Variants in PDE4D observed in about 807,000 individuals in gnomAD.
PDE4D encodes phosphodiesterase 4D.
In PDE4D, 24 loss-of-function variants were observed where a neutral mutation model predicts 87.4. The ratio of observed to expected loss-of-function variants is 0.27; its 90% CI spans 0.20 to 0.39. The LOEUF is 0.39. PDE4D is among the 10% of genes least tolerant of loss of function. The pLI is 1.00. For synonymous variants in PDE4D, 384 were observed against 383.2 expected (o/e 1.00, Z -0.02); for missense variants, 714 against 1,041.0 (o/e 0.69, Z 4.32).
At chr5:60,494,648 A>T (rs1326941621) in intron 1 of PDE4D, among the ~76,000 whole-genome samples, 1 of 152,108 alleles carries the variant, frequency 6.6e-6, no homozygotes, top group Non-Finnish European at 1.5e-5. Context: ...CCATCAACTA[A>T]ATCTTTTTGT....
intron 1 of PDE4D, among the ~76,000 whole-genome samples, chr5:59,870,089 G>T (rs1747605783): frequency 6.6e-6 from 1 of 152,168 alleles, no homozygotes; most frequent in Non-Finnish European, 1.5e-5. Context: ...TTTCCATAAA[G>T]TCTCATGTGG....
chr5:59,029,269 A>G (rs1423320877), intron 6 of PDE4D, among the ~76,000 whole-genome samples: 2 of 150,816 alleles, frequency 1.3e-5, no homozygotes, highest in Non-Finnish European at 3.0e-5. Context: ...AAAAAAAAAA[A>G]AGGCAGGTGT....
intron 1 of PDE4D, among the ~76,000 whole-genome samples, chr5:60,271,235 T>C (rs552102852): frequency 8.5e-5 from 13 of 152,306 alleles, no homozygotes; most frequent in Admixed American, 5.2e-4. Context: ...ATCATAAGGA[T>C]TTAATTACAT....
At chr5:59,469,529 T>C (rs569276944) in intron 1 of PDE4D, among the ~76,000 whole-genome samples, 3 of 152,286 alleles carry the variant, frequency 2.0e-5, no homozygotes, top group South Asian at 2.1e-4. Context: ...GAAAGCCCTC[T>C]ACACAAGGAA....
intron 1 of PDE4D, among the ~76,000 whole-genome samples, chr5:59,575,324 A>G (rs1822960260): frequency 6.6e-6 from 1 of 152,234 alleles, no homozygotes; most frequent in South Asian, 2.1e-4. Context: ...AGAAAGGGGC[A>G]TAATCAAGCA....
At chr5:59,243,139 G>A (rs1323911131) in intron 1 of PDE4D, among the ~76,000 whole-genome samples, 2 of 152,074 alleles carry the variant, frequency 1.3e-5, no homozygotes, top group Non-Finnish European at 2.9e-5. Flanking sequence ...CTATAGAGTC[G>A]TATAAGAGAG....
chr5:59,668,845 G>GGAAGAGGAAGAAGAAGAA (rs1561441240), intron 1 of PDE4D, among the ~76,000 whole-genome samples: 1 of 62,184 alleles, frequency 1.6e-5, no homozygotes, highest in Admixed American at 1.7e-4. Context: ...AAGAGGAAGA[G>GGAAGAGGAAGAAGAAGAA]GAAGAAGAAG....
chr5:58,985,858 A>G (rs1746304296), intron 11 of PDE4D, among the ~76,000 whole-genome samples: 1 of 152,252 alleles, frequency 6.6e-6, no homozygotes, highest in Non-Finnish European at 1.5e-5. Flanking sequence ...AAGTTATTAG[A>G]AGGATTCCTT....
intron 2 of PDE4D, among the ~76,000 whole-genome samples, chr5:60,086,714 A>C (rs1407125610): frequency 1.3e-5 from 2 of 152,256 alleles, no homozygotes; most frequent in African/African-American, 4.8e-5. Context: ...AGAAATGTTC[A>C]ATCTCCCCAT....
intron 5 of PDE4D, among the ~76,000 whole-genome samples, chr5:59,134,634 T>C (rs923151600): frequency 1.3e-5 from 2 of 152,186 alleles, no homozygotes; most frequent in African/African-American, 4.8e-5. Flanking sequence ...AATTTTCACA[T>C]TAAACATGGA....
At chr5:59,668,447 T>C (rs751772141) in intron 1 of PDE4D, among the ~76,000 whole-genome samples, 1 of 152,188 alleles carries the variant, frequency 6.6e-6, no homozygotes, top group Admixed American at 6.5e-5. Context: ...TGGTGGCTCA[T>C]GCCTGTAACT....
At chr5:59,563,394 G>A (rs761964763) in intron 1 of PDE4D, among the ~76,000 whole-genome samples, 8 of 152,190 alleles carry the variant, frequency 5.3e-5, no homozygotes, top group Admixed American at 2.0e-4. Flanking sequence ...AAATAAGAAT[G>A]CAATTATCTG....
chr5:59,632,465 G>A (rs1274752930), intron 1 of PDE4D, among the ~76,000 whole-genome samples: 2 of 152,194 alleles, frequency 1.3e-5, no homozygotes, highest in Non-Finnish European at 2.9e-5. Flanking sequence ...CTCCCAGCAG[G>A]GGTTGACAGA....
chr5:60,301,858 G>A (rs918474574), intron 1 of PDE4D, among the ~76,000 whole-genome samples: 1 of 152,082 alleles, frequency 6.6e-6, no homozygotes, highest in Non-Finnish European at 1.5e-5. Flanking sequence ...TCAATATCTA[G>A]TTTATTGAGA....
chr5:59,044,401 GCTTCT>G (rs1467927154), intron 5 of PDE4D, among the ~76,000 whole-genome samples: 11 of 152,198 alleles, frequency 7.2e-5, no homozygotes, highest in Non-Finnish European at 1.5e-4. Context: ...ACCAGTTCCA[GCTTCT>G]CTTCTCTTAA....
intron 1 of PDE4D, among the ~76,000 whole-genome samples, chr5:59,338,351 C>T (rs73092940): frequency 0.018 from 2,698 of 152,186 alleles, 82 homozygotes; most frequent in African/African-American, 0.06. Context: ...GTTTCATTAG[C>T]GCAAAAGTTC....
At chr5:59,307,500 A>G (rs1257214535) in intron 1 of PDE4D, among the ~76,000 whole-genome samples, 2 of 152,204 alleles carry the variant, frequency 1.3e-5, no homozygotes, top group Non-Finnish European at 2.9e-5. Context: ...CAATGAACTC[A>G]AACAAATTCA....
At chr5:60,339,333 G>A (rs767189550) in intron 1 of PDE4D, among the ~76,000 whole-genome samples, 1 of 152,064 alleles carries the variant, frequency 6.6e-6, no homozygotes, top group African/African-American at 2.4e-5. Flanking sequence ...TCCATACCTC[G>A]AAGGTGGATC....
chr5:59,094,859 G>A (rs1769403644), intron 5 of PDE4D, among the ~76,000 whole-genome samples: 1 of 152,070 alleles, frequency 6.6e-6, no homozygotes, highest in African/African-American at 2.4e-5. Context: ...ACTAAATATA[G>A]AGACAGGCAA....
Sources: gnomAD v4.1 joint callset for allele counts (sites outside exome capture counted in the v4.1 genomes callset) on GRCh38, gnomAD v4.1.1 for gene constraint, MANE v1.5 for transcripts, NCBI Gene and HGNC (gene_info 2026-07-23, HGNC 2026-07-21) for gene names.